The following MTO1 variants were observed in gnomAD, a reference collection of about 807,000 sequenced individuals.
MTO1 encodes mitochondrial tRNA translation optimization 1, also known as 5-taurinomethyluridine-[tRNA] synthase subunit MTO1, mitochondrial.
Under a neutral mutation model 71.6 loss-of-function variants are expected in MTO1, and 46 were observed. That is an observed-to-expected ratio of 0.64 (90% confidence interval 0.51 to 0.82). The LOEUF (loss-of-function observed/expected upper bound fraction) is 0.82, where lower values mean the gene tolerates loss of function less well. Ranked by LOEUF, MTO1 falls within the 40% of genes least tolerant of loss-of-function variation. MTO1 has a pLI of 0.00. For synonymous variants in MTO1, 297 were observed against 312.1 expected, an observed-to-expected ratio of 0.95 and a Z score of 0.51; for missense variants, 773 against 867.5, an observed-to-expected ratio of 0.89 and a Z score of 1.37.
Position 73,479,410 on chromosome 6 carries a change from G to A in MTO1, c.826-322G>A, listed in dbSNP as rs534532993. 2.8e-4 allele frequency among the ~76,000 whole-genome samples: 42 copies of A among 152,084 alleles called. No individual in the cohort carries two copies. The South Asian group carries it at 6.2e-3, about 23-fold the overall frequency. ...CTTGGGAGGCTGAGGCAGGAGAATC[G>A]CTTGAACCCGGGACACAGAGGTTGG... On this transcript the variant is annotated intron_variant, in intron 4 of 11. Transcript: ENST00000498286.
chr6:73,471,998 G>T (rs1349168735), intron 3 of MTO1, among the ~76,000 whole-genome samples: 2 of 92,522 alleles, frequency 2.2e-5, no homozygotes, highest in Non-Finnish European at 5.5e-5. Flanking sequence ...TTACTGTAAG[G>T]TAGAGCTATC....
intron 4 of MTO1, among the ~76,000 whole-genome samples, chr6:73,474,943 C>A (rs1771268390): frequency 6.6e-6 from 1 of 151,640 alleles, no homozygotes; most frequent in Non-Finnish European, 1.5e-5. Flanking sequence ...TTAATAGAGA[C>A]GGTGTTTTGC....
intron 6 of MTO1, 71 bp downstream of exon 6, chr6:73,480,197 C>A: frequency 7.0e-7 from 1 of 1,431,216 alleles, no homozygotes; most frequent in Non-Finnish European, 9.8e-7. Context: ...GAGGCCTTAG[C>A]TACAGTCATT....
chr6:73,500,489 C>G, intron 11 of MTO1, 85 bp from the exon 12 acceptor site: 2 of 1,170,114 alleles, frequency 1.7e-6, no homozygotes, highest in African/African-American at 1.6e-5. Flanking sequence ...ATAAACTATA[C>G]TATACAGATT....
chr6:73,465,979 A>T (rs536326664), intron 1 of MTO1, among the ~76,000 whole-genome samples: 2 of 152,124 alleles, frequency 1.3e-5, no homozygotes, highest in Non-Finnish European at 2.9e-5. Flanking sequence ...GTGAGACTCC[A>T]TCTTAAAAAA....
Position 73,464,994 on chromosome 6 carries a change from A to G in MTO1, c.218-1215A>G, listed in dbSNP as rs563001324. 6.6e-5 allele frequency among the ~76,000 whole-genome samples: 10 copies of G among 152,244 alleles called. No homozygotes were observed. In the East Asian group the frequency reaches 1.9e-3, roughly 29 times the overall value. ...TTTAGACCTCCAGGTAAGACTGGGTAAATGTAAGGGAAAGGTATAAAATAT... is the reference window on the plus strand; with the variant it reads ...TTTAGACCTCCAGGTAAGACTGGGTGAATGTAAGGGAAAGGTATAAAATAT... On this transcript the variant is annotated intron_variant, in intron 1 of 11. Coordinates refer to ENST00000498286, the MANE Select transcript of MTO1 (RefSeq NM_012123.4).
At chr6:73,486,627 A>G (rs903858408) in intron 9 of MTO1, 3 of 431,392 alleles carry the variant, frequency 7.0e-6, no homozygotes, top group African/African-American at 6.1e-5. Flanking sequence ...AATCCCAGCT[A>G]CTTGGGAGGC....
chr6:73,466,833 T>C (rs1181666903), intron 3 of MTO1, among the ~76,000 whole-genome samples: 2 of 152,192 alleles, frequency 1.3e-5, no homozygotes, highest in South Asian at 2.1e-4. Context: ...CATCTTAGTG[T>C]AGAACTTTGT....
At position 73,500,766 on chromosome 6, in the gene MTO1, A is replaced by T. The variant is rs1772138987; in HGVS notation, c.*31A>T. ...AATTCATAAAAGATTTTTAAAGAGC[A>T]TATAAATAATTTGATCAATACAACA... On this transcript the variant is annotated 3_prime_UTR_variant, in exon 12 of 12. Transcript: ENST00000498286. The T allele has an allele frequency of 2.0e-6, 3 of 1,512,676 alleles. No individual in the cohort carries two copies. Among genetic ancestry groups the T allele is most frequent in the African/African-American group, 2.8e-5 (2 of 71,736 alleles). The allele number at this position is 1,512,676 out of a possible 1,614,324, so 93.7% of individuals were successfully genotyped here.
At chr6:73,497,206 G>A (rs1309726541) in intron 10 of MTO1, among the ~76,000 whole-genome samples, 1 of 110,524 alleles carries the variant, frequency 9.0e-6, no homozygotes, top group Non-Finnish European at 1.7e-5. Context: ...AGGCTGGAGT[G>A]CAATAGCGCT....
chr6:73,481,906 A>C, intron 7 of MTO1, 134 bp from the exon 8 acceptor site: 1 of 817,518 alleles, frequency 1.2e-6, no homozygotes, highest in Non-Finnish European at 2.0e-6. Context: ...CACATTTTCT[A>C]CCTCTATTAT....
Position 73,473,277 on chromosome 6 carries a change from C to CAGAT in MTO1, c.536-66_536-63dup, listed in dbSNP as rs138624045. ...CTGGCGATAGAGTGAGACTTCATCT[C>CAGAT]AGATAGATAGATAGATAGATAGATA... is the stretch of plus-strand genomic sequence containing the variant. On this transcript the variant is annotated intron_variant, in intron 3 of 11. Coordinates refer to ENST00000498286, the MANE Select transcript of MTO1 (RefSeq NM_012123.4). The CAGAT allele has an allele frequency of 0.091, 116,191 of 1,281,664 alleles. 5,199 individuals are homozygous for CAGAT. The highest frequency in any genetic ancestry group is 0.12 in the Middle Eastern group (574 of 4,748). 79.4% of individuals were successfully genotyped at this position (1,281,664 alleles called of 1,614,324 possible). A position where few individuals can be genotyped will look rare whatever the true frequency, so the allele number is the denominator to read the frequency against.
chr6:73,462,061 G>C lies in MTO1; in HGVS notation c.207G>C (p.Val69=). The C allele has an allele frequency of 6.2e-7, 1 of 1,613,522 alleles. No individual in the cohort carries two copies. Among genetic ancestry groups the C allele is most frequent in the Non-Finnish European group, 8.5e-7 (1 of 1,179,790 alleles). The change falls in exon 1 of 12, where the codon GTG becomes GTC. Residue 69 remains valine, a synonymous_variant. Coordinates refer to ENST00000498286, the MANE Select transcript of MTO1 (RefSeq NM_012123.4). Reference sequence around the variant, plus strand: ...GGACTCTGCTCCTCACTCACCGCGTGGACACGATCGGTGAGGAGCGCGGGT... The same window carrying C: ...GGACTCTGCTCCTCACTCACCGCGTCGACACGATCGGTGAGGAGCGCGGGT... The part of the protein sequence containing the change: ...GSRTLLLTHR[V]DTIGQMSCNP...
At position 73,506,201 on chromosome 6, in the gene MTO1, TCTC is replaced by T. The variant is rs1262644868; in HGVS notation, c.*5469_*5471del. The T allele has an allele frequency of 3.9e-5, 6 of 151,978 alleles. No homozygotes were observed. In the East Asian group the frequency reaches 1.2e-3, roughly 30 times the overall value. The allele number at this position is 151,978 out of a possible 1,614,324, so 9.4% of individuals were successfully genotyped here. A position where few individuals can be genotyped will look rare whatever the true frequency, so the allele number is the denominator to read the frequency against. On this transcript the variant is annotated 3_prime_UTR_variant, in exon 12 of 12. Transcript: ENST00000498286. ...CACCATGTTAGCCAGATGGTCTCGATCTCCTGACCTCGTGATCCACCTCCCTCA... is the reference window on the plus strand; with the variant it reads ...CACCATGTTAGCCAGATGGTCTCGATCTGACCTCGTGATCCACCTCCCTCA...
chr6:73,474,382 C>G (rs1771247415), intron 4 of MTO1, among the ~76,000 whole-genome samples: 1 of 152,166 alleles, frequency 6.6e-6, no homozygotes, highest in South Asian at 2.1e-4. Context: ...TGCACTCAGC[C>G]TAAAGAAGTA....
intron 10 of MTO1, among the ~76,000 whole-genome samples, chr6:73,496,641 C>A (rs1771985162): frequency 7.3e-6 from 1 of 136,418 alleles, no homozygotes; most frequent in Admixed American, 7.5e-5. Context: ...TCCCCCCACC[C>A]CACAACAGTC....
rs1346321637 is a variant in MTO1, at chr6:73,462,062, G to A, written c.208G>A (p.Asp70Asn). The A allele has an allele frequency of 6.2e-7, 1 of 1,613,388 alleles. No individual in the cohort carries two copies. The highest frequency in any genetic ancestry group is 8.5e-7 in the Non-Finnish European group (1 of 1,179,790). The change falls in exon 1 of 12, where the codon GAC becomes AAC. Residue 70 changes from aspartate (D) to asparagine (N), a missense_variant. Transcript: ENST00000498286. The stretch of plus-strand genomic sequence containing the variant: ...GACTCTGCTCCTCACTCACCGCGTG[G>A]ACACGATCGGTGAGGAGCGCGGGTG... The part of the protein sequence containing the change: ...SRTLLLTHRV[D>N]TIGQMSCNPS...
intron 9 of MTO1, among the ~76,000 whole-genome samples, chr6:73,489,008 A>G (rs1174324964): frequency 6.6e-6 from 1 of 152,240 alleles, no homozygotes; most frequent in Admixed American, 6.5e-5. Context: ...CAGCCAAGAA[A>G]TCACTGGCAA....
At chr6:73,471,936 T>A (rs1158302815) in intron 3 of MTO1, 1 of 152,366 alleles carries the variant, frequency 6.6e-6, no homozygotes, top group Non-Finnish European at 1.5e-5. Flanking sequence ...AAATTAAAAT[T>A]CTGTACCCAT....
Sources: allele counts gnomAD v4.1 joint callset (sites outside exome capture counted in the v4.1 genomes callset), GRCh38; gene constraint gnomAD v4.1.1; transcripts MANE v1.5; gene names NCBI Gene and HGNC (gene_info 2026-07-23, HGNC 2026-07-21).